EXOC1L: variants seen among roughly 807,000 people sequenced by gnomAD.
EXOC1L encodes exocyst complex component 1 like.
A neutral mutation model predicts 4.9 loss-of-function variants in EXOC1L; 10 were observed. The observed-to-expected ratio is 2.02, with a 90% CI of 1.25 to 3.43. The LOEUF is 3.43. EXOC1L is among the 30% of genes most tolerant of loss of function. The probability of loss-of-function intolerance (pLI) is 0.00; values close to 1 mark genes in which losing one functional copy is unlikely to be tolerated. For synonymous variants in EXOC1L, 41 were observed against 20.8 expected (o/e 1.97, Z -2.63); for missense variants, 114 against 59.4 (o/e 1.92, Z -3.02).
chr4:55,825,804 G>A (rs193296834), intron 1 of EXOC1L, among the ~76,000 whole-genome samples: 199 of 152,150 alleles, frequency 1.3e-3, no homozygotes, highest in African/African-American at 4.7e-3. Flanking sequence ...CTTTTGGCCA[G>A]GCATGGTGGC....
intron 1 of EXOC1L, among the ~76,000 whole-genome samples, chr4:55,820,981 C>T (rs980382279): frequency 3.3e-5 from 5 of 152,080 alleles, no homozygotes; most frequent in African/African-American, 4.8e-5. Context: ...ACTTTTCAGG[C>T]GTTTAGGAGA....
chr4:55,831,447 G>C lies in EXOC1L; in HGVS notation c.235G>C (p.Gly79Arg), dbSNP rs1720029840. 1.4e-6 allele frequency: 1 copy of C among 692,826 alleles called. No homozygotes were observed. The highest frequency in any genetic ancestry group is 2.6e-6 in the Non-Finnish European group (1 of 381,308). The allele number at this position is 692,826 out of a possible 1,614,324, so 42.9% of individuals were successfully genotyped here. The change falls in exon 2 of 3, where the codon GGA becomes CGA. Residue 79 changes from glycine (G) to arginine (R), a missense_variant. Physicochemically the swap from Gly to Arg is moderately radical, Grantham distance 125 (BLOSUM62 -2). Transcript: ENST00000636125. ...TTTGAACGATCTGCAGATGATTGAT[G>C]GAAAAGAAGCAGATACTGTAAGTGT... is the stretch of plus-strand genomic sequence containing the variant. ...WSLNDLQMID[G>R]KEADTDNPFF...
At chr4:55,836,973 T>A in intron 2 of EXOC1L, 112 bp from the exon 3 acceptor site, 1 of 494,942 alleles carries the variant, frequency 2.0e-6, no homozygotes. Context: ...GAAATATGTT[T>A]GATACTGATA....
At chr4:55,833,423 AC>A (rs1203366818) in intron 2 of EXOC1L, among the ~76,000 whole-genome samples, 1 of 151,886 alleles carries the variant, frequency 6.6e-6, no homozygotes, top group African/African-American at 2.4e-5. Context: ...ACAAACCAGT[AC>A]TTTAATAAGT....
chr4:55,831,426 A>G lies in EXOC1L; in HGVS notation c.214A>G (p.Asn72Asp). Residue 72 changes from asparagine (N) to aspartate (D), a missense_variant, in exon 2 of 3, where the codon AAC becomes GAC. Asn to Asp is a conservative substitution (Grantham distance 23). Coordinates refer to ENST00000636125, the MANE Select transcript of EXOC1L (RefSeq NM_001351574.3). ...KYEVTKKWSL[N>D]DLQMIDGKEA... ...TGAAGTAACAAAAAAGTGGTCTTTG[A>G]ACGATCTGCAGATGATTGATGGAAA... 2.9e-6 allele frequency: 2 copies of G among 696,810 alleles called. No individual in the cohort carries two copies. The highest frequency in any genetic ancestry group is 1.5e-5 in the South Asian group (1 of 66,272). The allele number at this position is 696,810 out of a possible 1,614,324, so 43.2% of individuals were successfully genotyped here.
intron 1 of EXOC1L, among the ~76,000 whole-genome samples, chr4:55,825,379 T>C (rs1719853536): frequency 6.6e-6 from 1 of 152,212 alleles, no homozygotes; most frequent in South Asian, 2.1e-4. Flanking sequence ...GTCCTTCACA[T>C]ATTTTATCTT....
chr4:55,835,566 G>T (rs1170445296), intron 2 of EXOC1L, among the ~76,000 whole-genome samples: 1 of 151,874 alleles, frequency 6.6e-6, no homozygotes, highest in Non-Finnish European at 1.5e-5. Flanking sequence ...GAGTAAGGTG[G>T]TATTGCATAG....
intron 1 of EXOC1L, among the ~76,000 whole-genome samples, chr4:55,822,878 G>A (rs1333223697): frequency 6.6e-6 from 1 of 151,686 alleles, no homozygotes; most frequent in Non-Finnish European, 1.5e-5. Flanking sequence ...ATAATTTTCA[G>A]ATATACAGAA....
At chr4:55,827,119 A>G (rs540934635) in intron 1 of EXOC1L, among the ~76,000 whole-genome samples, 2 of 152,318 alleles carry the variant, frequency 1.3e-5, no homozygotes, top group South Asian at 4.1e-4. Context: ...TGGCTTTCAG[A>G]ATAACCTTTG....
At chr4:55,833,430 TAA>T (rs1247198518) in intron 2 of EXOC1L, among the ~76,000 whole-genome samples, 3 of 151,896 alleles carry the variant, frequency 2.0e-5, no homozygotes, top group Non-Finnish European at 4.4e-5. Context: ...AGTACTTTAA[TAA>T]GTTACCTCTG....
At chr4:55,827,750 C>T (rs1225846842) in intron 1 of EXOC1L, among the ~76,000 whole-genome samples, 1 of 152,126 alleles carries the variant, frequency 6.6e-6, no homozygotes, top group Non-Finnish European at 1.5e-5. Flanking sequence ...AGAACATAGT[C>T]CTTTGGTTCT....
intron 1 of EXOC1L, among the ~76,000 whole-genome samples, chr4:55,821,472 A>G (rs1719739088): frequency 6.6e-6 from 1 of 152,134 alleles, no homozygotes; most frequent in Admixed American, 6.6e-5. Flanking sequence ...ATAATTTTGT[A>G]TTTGTTGTAA....
At chr4:55,825,860 A>G (rs1164085125) in intron 1 of EXOC1L, among the ~76,000 whole-genome samples, 2 of 152,088 alleles carry the variant, frequency 1.3e-5, no homozygotes, top group Admixed American at 1.3e-4. Flanking sequence ...GTGAGCATCC[A>G]GATCACCTGA....
rs1720185231 is a variant in EXOC1L at position 55,837,156 on chromosome 4, T to C, written c.324T>C (p.Tyr108=). 4.3e-6 allele frequency: 3 copies of C among 701,972 alleles called. No homozygotes were observed. The African/African-American group carries it at 5.2e-5, about 12-fold the overall frequency. 43.5% of individuals were successfully genotyped at this position (701,972 alleles called of 1,614,324 possible). A position where few individuals can be genotyped will look rare whatever the true frequency, so the allele number is the denominator to read the frequency against. ...AAGCATATAGCTGTGCTTCTAAATA[T>C]GCCTTTGCTCGAACTGTAAATAAGC... ...SLEAYSCASK[Y]AFARTVNKLN... The change falls in exon 3 of 3, where the codon TAT becomes TAC. Residue 108 remains tyrosine (Y), a synonymous_variant. Transcript: ENST00000636125.
intron 2 of EXOC1L, among the ~76,000 whole-genome samples, chr4:55,833,570 G>A (rs1720087708): frequency 6.6e-6 from 1 of 151,628 alleles, no homozygotes. Context: ...GTAGTTTCAG[G>A]AACTAGCCCC....
At chr4:55,828,240 G>C (rs999150407) in intron 1 of EXOC1L, among the ~76,000 whole-genome samples, 7 of 152,146 alleles carry the variant, frequency 4.6e-5, no homozygotes, top group Non-Finnish European at 1.0e-4. Context: ...TAGTGTTAGT[G>C]CATGAAGGAG....
At chr4:55,826,321 A>G (rs1018953457) in intron 1 of EXOC1L, among the ~76,000 whole-genome samples, 8 of 152,164 alleles carry the variant, frequency 5.3e-5, no homozygotes, top group Admixed American at 2.0e-4. Context: ...ATTCTGTGCA[A>G]CTTACTTGTG....
chr4:55,833,522 T>G (rs1468007918), intron 2 of EXOC1L, among the ~76,000 whole-genome samples: 3 of 151,970 alleles, frequency 2.0e-5, no homozygotes, highest in Admixed American at 2.0e-4. Flanking sequence ...AATACTGCAT[T>G]TAATTTGATC....
At chr4:55,825,052 A>G (rs1250102562) in intron 1 of EXOC1L, among the ~76,000 whole-genome samples, 1 of 152,200 alleles carries the variant, frequency 6.6e-6, no homozygotes, top group Non-Finnish European at 1.5e-5. Flanking sequence ...AAAATTTTTC[A>G]TTATTAGCAT....
Sources: gnomAD v4.1 joint callset for allele counts (sites outside exome capture counted in the v4.1 genomes callset) on GRCh38, gnomAD v4.1.1 for gene constraint, MANE v1.5 for transcripts, NCBI Gene and HGNC (gene_info 2026-07-23, HGNC 2026-07-21) for gene names.